FHOD3: variants seen among roughly 807,000 people sequenced by gnomAD.
FHOD3 encodes the protein FH1/FH2 domain-containing protein 3.
FHOD3 carries 90 observed loss-of-function variants against 173.0 expected under a neutral mutation model. That is an observed-to-expected ratio of 0.52 (90% confidence interval 0.44 to 0.62). The LOEUF is 0.62. Ranked by LOEUF, FHOD3 falls within the 20% of genes least tolerant of loss-of-function variation. The pLI, the probability that FHOD3 is intolerant of heterozygous loss-of-function variation, is 0.00. For missense variants in FHOD3, 1,945 were observed against 2,034.7 expected, an observed-to-expected ratio of 0.96 and a Z score of 0.85; for synonymous variants, 828 against 823.0, an observed-to-expected ratio of 1.01 and a Z score of -0.10.
chr18:36,458,551 G>A (rs182992700), intron 3 of FHOD3, among the ~76,000 whole-genome samples: 12 of 152,140 alleles, frequency 7.9e-5, no homozygotes, highest in Non-Finnish European at 1.8e-4. Context: ...CTCAGCTGGG[G>A]CCTCTTCTCT....
At chr18:36,484,833 G>T (rs1013767610) in intron 3 of FHOD3, among the ~76,000 whole-genome samples, 5 of 152,208 alleles carry the variant, frequency 3.3e-5, no homozygotes, top group African/African-American at 1.2e-4. Flanking sequence ...GCTCTGGTGT[G>T]TGTGGAGGAA....
At chr18:36,545,812 G>A (rs1368925934) in intron 5 of FHOD3, among the ~76,000 whole-genome samples, 1 of 152,186 alleles carries the variant, frequency 6.6e-6, no homozygotes, top group Non-Finnish European at 1.5e-5. Context: ...TTGATATGTG[G>A]AAATGAGTAA....
intron 14 of FHOD3, among the ~76,000 whole-genome samples, chr18:36,674,814 C>A (rs1480941583): frequency 6.6e-6 from 1 of 151,908 alleles, no homozygotes; most frequent in African/African-American, 2.4e-5. Flanking sequence ...AAGCACGTGC[C>A]CCTGGGAGTA....
chr18:36,548,913 A>G (rs2057526167), intron 5 of FHOD3, among the ~76,000 whole-genome samples: 1 of 152,148 alleles, frequency 6.6e-6, no homozygotes, highest in Non-Finnish European at 1.5e-5. Flanking sequence ...TTGTATGGAG[A>G]TGTTTTTATT....
rs1568664945 is a variant in FHOD3 at position 36,718,402 on chromosome 18, C to T, written c.3104C>T (p.Pro1035Leu). 6.4e-7 allele frequency: 1 copy of T among 1,569,940 alleles called. No homozygotes were observed. The highest frequency in any genetic ancestry group is 8.7e-7 in the Non-Finnish European group (1 of 1,151,856). The stretch of plus-strand genomic sequence containing the variant: ...CCCACCTTTCTGGGTTTGCCGCCCC[C>T]ACCCCCTCCGCCCCTGTTGGACAGC... Reference protein sequence around the residue: ...PPPTFLGLPPPPPPPLLDSIP... With the variant: ...PPPTFLGLPPLPPPPLLDSIP... Residue 1035 changes from proline (P) to leucine (L), a missense_variant, in exon 19 of 29, where the codon CCA becomes CTA. Pro to Leu is a moderately conservative substitution (Grantham distance 98). Coordinates refer to ENST00000590592, the MANE Select transcript of FHOD3 (RefSeq NM_001281740.3).
intron 23 of FHOD3, among the ~76,000 whole-genome samples, chr18:36,745,925 C>T (rs1161875946): frequency 6.6e-6 from 1 of 151,928 alleles, no homozygotes; most frequent in Non-Finnish European, 1.5e-5. Context: ...CAGCCTTTCC[C>T]ATCTTAGCTA....
chr18:36,352,037 G>T (rs570123888), intron 1 of FHOD3, among the ~76,000 whole-genome samples: 1 of 152,158 alleles, frequency 6.6e-6, no homozygotes, highest in South Asian at 2.1e-4. Flanking sequence ...GTATGTGCTA[G>T]TGCTGGCCTG....
chr18:36,465,156 C>T (rs1304423520), intron 3 of FHOD3, among the ~76,000 whole-genome samples: 1 of 152,016 alleles, frequency 6.6e-6, no homozygotes, highest in Non-Finnish European at 1.5e-5. Context: ...GGTGAAACCC[C>T]ATCTCTACTA....
intron 19 of FHOD3, 72 bp from the exon 20 acceptor site, chr18:36,730,574 C>T: frequency 6.8e-7 from 1 of 1,480,400 alleles, no homozygotes; most frequent in East Asian, 2.3e-5. Context: ...GTAGTGAGTG[C>T]TTTTAATAAT....
At chr18:36,767,309 A>C (rs1253317487) in intron 27 of FHOD3, among the ~76,000 whole-genome samples, 2 of 130,940 alleles carry the variant, frequency 1.5e-5, no homozygotes, top group East Asian at 3.9e-4. Context: ...AAGCAAAACC[A>C]AAAAAAAAAA....
At chr18:36,642,575 T>C (rs899539432) in intron 10 of FHOD3, among the ~76,000 whole-genome samples, 10 of 100,324 alleles carry the variant, frequency 1.0e-4, no homozygotes, top group South Asian at 3.7e-4. Flanking sequence ...AGAGCGAGAC[T>C]CCGTCTCAAA....
intron 13 of FHOD3, among the ~76,000 whole-genome samples, chr18:36,655,159 C>T (rs1020675372): frequency 6.6e-6 from 1 of 151,556 alleles, no homozygotes; most frequent in African/African-American, 2.4e-5. Flanking sequence ...TCTACAGTTC[C>T]AGGATTGTTG....
chr18:36,554,424 G>A (rs949706010), intron 5 of FHOD3, among the ~76,000 whole-genome samples: 9 of 145,088 alleles, frequency 6.2e-5, no homozygotes, highest in African/African-American at 2.5e-5. Flanking sequence ...CTCATAGATG[G>A]GAATTGAACA....
chr18:36,512,447 G>A lies in FHOD3; in HGVS notation c.415G>A (p.Asp139Asn). ...SLKQIFQDDKDLVHEFVVAEG... is the reference protein window; with the variant it reads ...SLKQIFQDDKNLVHEFVVAEG... The stretch of plus-strand genomic sequence containing the variant: ...TTTTCTTTCCTGCCAGGATGACAAG[G>A]ATTTGGTGCATGAATTTGTAGTGGC... The change falls in exon 5 of 29, where the codon GAT becomes AAT. Residue 139 changes from aspartate (D) to asparagine (N), a missense_variant. Physicochemically the swap from Asp to Asn is conservative, Grantham distance 23 (BLOSUM62 1). Around this residue, in one of 5 missense-constraint regions of FHOD3, gnomAD observed 245 missense variants for 267.7 expected, o/e 0.92. Coordinates refer to ENST00000590592, the MANE Select transcript of FHOD3 (RefSeq NM_001281740.3). 1 of 1,613,812 alleles carries A rather than the reference G, an allele frequency of 6.2e-7. No homozygotes were observed. The highest frequency in any genetic ancestry group is 1.1e-5 in the South Asian group (1 of 91,058).
At chr18:36,752,894 C>T (rs1020002564) in intron 24 of FHOD3, among the ~76,000 whole-genome samples, 1 of 152,160 alleles carries the variant, frequency 6.6e-6, no homozygotes, top group Non-Finnish European at 1.5e-5. Context: ...AATCTTCCTG[C>T]ATACAGATCT....
chr18:36,475,234 T>C (rs942454723), intron 3 of FHOD3, among the ~76,000 whole-genome samples: 2 of 152,118 alleles, frequency 1.3e-5, no homozygotes, highest in African/African-American at 4.8e-5. Flanking sequence ...TCCCCTTGTT[T>C]TGATGGACTT....
chr18:36,779,448 T>G lies in FHOD3; in HGVS notation c.4787T>G (p.Leu1596Trp). ...RKRSRANRKS[L>W]RRTLKSGLTP... ...GGTGTGACCTGCACCACCACTGCAGTGCGAAGAACCCTGAAGAGCGGCCTG... is the reference window on the plus strand; with the variant it reads ...GGTGTGACCTGCACCACCACTGCAGGGCGAAGAACCCTGAAGAGCGGCCTG... The change falls in exon 29 of 29, where the codon TTG becomes TGG. Residue 1596 changes from leucine to tryptophan, a missense_variant and splice_region_variant. Transcript: ENST00000590592. The G allele has an allele frequency of 1.9e-6, 3 of 1,614,128 alleles. No individual in the cohort carries two copies. Among genetic ancestry groups the G allele is most frequent in the Non-Finnish European group, 2.5e-6 (3 of 1,180,026 alleles).
At chr18:36,634,622 G>C (rs1056224721) in intron 10 of FHOD3, among the ~76,000 whole-genome samples, 2 of 152,134 alleles carry the variant, frequency 1.3e-5, no homozygotes, top group African/African-American at 2.4e-5. Context: ...CTCAGCCCTG[G>C]CTCCTGGAGG....
chr18:36,316,908 G>A (rs2044156955), intron 1 of FHOD3, among the ~76,000 whole-genome samples: 1 of 142,186 alleles, frequency 7.0e-6, no homozygotes, highest in Non-Finnish European at 1.5e-5. Flanking sequence ...AGTGTGTGAT[G>A]TTCCCCTCCC....
Sources: allele counts gnomAD v4.1 joint callset (sites outside exome capture counted in the v4.1 genomes callset), GRCh38; gene constraint gnomAD v4.1.1; regional missense constraint gnomAD v4.1.1; transcripts MANE v1.5; gene names NCBI Gene and HGNC (gene_info 2026-07-23, HGNC 2026-07-21).